The following ZFAND6 variants were observed in gnomAD, a reference collection of about 807,000 sequenced individuals.
ZFAND6 encodes AN1-type zinc finger protein 6.
In ZFAND6, 12 loss-of-function variants were observed where a neutral mutation model predicts 24.5. The ratio of observed to expected loss-of-function variants is 0.49; its 90% CI spans 0.31 to 0.79. The LOEUF (loss-of-function observed/expected upper bound fraction) is 0.79. ZFAND6 is among the 30% of genes least tolerant of loss of function. The pLI is 0.04. For synonymous variants in ZFAND6, 92 were observed against 81.5 expected, an observed-to-expected ratio of 1.13 and a Z score of -0.69; for missense variants, 207 against 245.9, an observed-to-expected ratio of 0.84 and a Z score of 1.06.
chr15:80,065,002 C>CCT (rs1491383004), intron 1 of ZFAND6, among the ~76,000 whole-genome samples: 26 of 68,134 alleles, frequency 3.8e-4, no homozygotes, highest in Non-Finnish European at 5.7e-4. Flanking sequence ...CTCTCTCCCC[C>CCT]TTTTTTTTTT....
chr15:80,124,600 C>T (rs2040294958), intron 5 of ZFAND6, among the ~76,000 whole-genome samples: 1 of 152,122 alleles, frequency 6.6e-6, no homozygotes, highest in African/African-American at 2.4e-5. Context: ...GTTTTTATTT[C>T]CATTTGTGGT....
intron 1 of ZFAND6, chr15:80,072,599 T>C (rs928840058): frequency 6.6e-6 from 1 of 152,082 alleles, no homozygotes; most frequent in Admixed American, 6.5e-5. Flanking sequence ...CAGCTTCAAG[T>C]GAAGTTAATC....
At chr15:80,109,724 G>C (rs1415418564) in intron 2 of ZFAND6, among the ~76,000 whole-genome samples, 3 of 152,202 alleles carry the variant, frequency 2.0e-5, no homozygotes, top group African/African-American at 7.2e-5. Context: ...GATTTTAATA[G>C]GATCACTGGC....
chr15:80,078,002 A>G lies in ZFAND6; in HGVS notation c.-181+18193A>G, dbSNP rs901164714. ...GTGTGAGCCACCGCGCCCGGCTTTCAAAACTTTTAATGTGGCATTATTTAC... is the reference window on the plus strand; with the variant it reads ...GTGTGAGCCACCGCGCCCGGCTTTCGAAACTTTTAATGTGGCATTATTTAC... On this transcript the variant is annotated intron_variant, in intron 1 of 6. Coordinates refer to ENST00000261749, the MANE Select transcript of ZFAND6 (RefSeq NM_019006.4). Among the ~76,000 whole-genome samples, 293 of 152,202 alleles carry G rather than the reference A, an allele frequency of 1.9e-3. 1 individual carries two copies. Among genetic ancestry groups the G allele is most frequent in the African/African-American group, 6.5e-3 (271 of 41,544 alleles).
At chr15:80,120,827 A>C (rs2040114129) in intron 3 of ZFAND6, 1 of 156,904 alleles carries the variant, frequency 6.4e-6, no homozygotes, top group South Asian at 2.0e-4. Flanking sequence ...ATCTGGTGTG[A>C]CTTACAGCTC....
At chr15:80,109,005 G>A (rs1467854509) in intron 2 of ZFAND6, among the ~76,000 whole-genome samples, 1 of 152,254 alleles carries the variant, frequency 6.6e-6, no homozygotes, top group East Asian at 1.9e-4. Context: ...TGGGATTACA[G>A]GTGTGAGCCA....
chr15:80,115,911 A>G (rs2039853994), intron 2 of ZFAND6, among the ~76,000 whole-genome samples: 1 of 152,108 alleles, frequency 6.6e-6, no homozygotes, highest in Non-Finnish European at 1.5e-5. Flanking sequence ...TTATGGAAAT[A>G]TATTTATCCT....
intron 1 of ZFAND6, among the ~76,000 whole-genome samples, chr15:80,068,669 G>C (rs114693404): frequency 1.3e-5 from 2 of 152,240 alleles, no homozygotes; most frequent in African/African-American, 4.8e-5. Flanking sequence ...ACCGCGCTCA[G>C]CCGGTCTTGA....
intron 1 of ZFAND6, among the ~76,000 whole-genome samples, chr15:80,089,324 G>C (rs1049442807): frequency 3.9e-5 from 5 of 126,776 alleles, no homozygotes; most frequent in African/African-American, 1.5e-4. Flanking sequence ...GCAGTGGCAC[G>C]ATCTCCTCAC....
chr15:80,088,052 A>G (rs184381889), intron 1 of ZFAND6, among the ~76,000 whole-genome samples: 7 of 152,314 alleles, frequency 4.6e-5, no homozygotes, highest in Non-Finnish European at 8.8e-5. Context: ...AAAATCAGGA[A>G]TTTTAACTTT....
chr15:80,088,590 T>A (rs1387705386), intron 1 of ZFAND6, among the ~76,000 whole-genome samples: 1 of 152,168 alleles, frequency 6.6e-6, no homozygotes, highest in Non-Finnish European at 1.5e-5. Flanking sequence ...GACTTCGTCC[T>A]CACTCTTTCC....
chr15:80,082,978 T>C (rs1187889373), intron 1 of ZFAND6, among the ~76,000 whole-genome samples: 2 of 152,250 alleles, frequency 1.3e-5, no homozygotes, highest in African/African-American at 4.8e-5. Context: ...TATACATATA[T>C]ACATATGTTA....
At chr15:80,111,952 A>G (rs2039630575) in intron 2 of ZFAND6, among the ~76,000 whole-genome samples, 1 of 152,152 alleles carries the variant, frequency 6.6e-6, no homozygotes, top group Admixed American at 6.5e-5. Flanking sequence ...TTTCAACAGA[A>G]GAAATCTGGA....
intron 1 of ZFAND6, among the ~76,000 whole-genome samples, chr15:80,066,921 A>T (rs1285855735): frequency 6.6e-6 from 1 of 151,700 alleles, no homozygotes; most frequent in African/African-American, 2.4e-5. Context: ...AAAAAATTGC[A>T]AACAGTTTGA....
intron 3 of ZFAND6, 104 bp downstream of exon 3, chr15:80,120,602 C>A: frequency 1.0e-6 from 1 of 988,656 alleles, no homozygotes; most frequent in Non-Finnish European, 1.3e-6. Flanking sequence ...ATTTATATTA[C>A]CATATTCATA....
intron 2 of ZFAND6, among the ~76,000 whole-genome samples, chr15:80,117,259 G>A (rs2039921796): frequency 6.6e-6 from 1 of 150,380 alleles, no homozygotes; most frequent in Admixed American, 6.6e-5. Flanking sequence ...GTCTCGCTCT[G>A]TTGCCCAGGC....
intron 1 of ZFAND6, among the ~76,000 whole-genome samples, chr15:80,091,490 G>A (rs1270313360): frequency 6.6e-6 from 1 of 152,016 alleles, no homozygotes; most frequent in Non-Finnish European, 1.5e-5. Context: ...TAGATAAAAT[G>A]GTTAATTTTT....
intron 2 of ZFAND6, among the ~76,000 whole-genome samples, chr15:80,108,611 C>T (rs2039454551): frequency 6.6e-6 from 1 of 152,142 alleles, no homozygotes. Context: ...CTTAATTTTA[C>T]TAATAGAATT....
chr15:80,104,108 T>C (rs528506417), intron 2 of ZFAND6, among the ~76,000 whole-genome samples: 2 of 152,302 alleles, frequency 1.3e-5, no homozygotes, highest in South Asian at 2.1e-4. Context: ...TCCCAGAATG[T>C]TGGGATTACA....
Sources: gnomAD v4.1 joint callset for allele counts (sites outside exome capture counted in the v4.1 genomes callset) on GRCh38, gnomAD v4.1.1 for gene constraint, MANE v1.5 for transcripts, NCBI Gene and HGNC (gene_info 2026-07-23, HGNC 2026-07-21) for gene names.